The following ABLIM2 variants were observed in gnomAD, a reference collection of about 807,000 sequenced individuals.
The protein encoded by ABLIM2 is actin binding LIM protein family member 2.
In ABLIM2, 53 loss-of-function variants were observed where a neutral mutation model predicts 97.7. That is an observed-to-expected ratio of 0.54 (90% confidence interval 0.44 to 0.68). The LOEUF is 0.68. ABLIM2 is among the 30% of genes least tolerant of loss of function. The pLI is 0.00. For missense variants in ABLIM2, 835 were observed against 867.2 expected (o/e 0.96, Z 0.47); for synonymous variants, 361 against 345.8 (o/e 1.04, Z -0.49).
At position 8,083,477 on chromosome 4, in the gene ABLIM2, G is replaced by A. The variant is rs1031150689; in HGVS notation, c.455-2675C>T. Among the ~76,000 whole-genome samples the A allele has an allele frequency of 6.6e-6, 1 of 152,056 alleles. No individual in the cohort carries two copies. Among genetic ancestry groups the A allele is most frequent in the Non-Finnish European group, 1.5e-5 (1 of 68,002 alleles). Reference sequence around the variant, plus strand: ...TCTGCCTCCTACCATATTGGCCGGCGCCCTCCCCTGCCAAGAAGCTCCCTT... The same window carrying A: ...TCTGCCTCCTACCATATTGGCCGGCACCCTCCCCTGCCAAGAAGCTCCCTT... On this transcript the variant is annotated intron_variant, in intron 4 of 20. Transcript: ENST00000447017. The surrounding 1 kb of genome is among the most constrained non-coding windows in gnomAD (Gnocchi z 4.6).
chr4:8,110,671 G>A (rs1293954637), intron 1 of ABLIM2, among the ~76,000 whole-genome samples: 1 of 152,064 alleles, frequency 6.6e-6, no homozygotes, highest in Non-Finnish European at 1.5e-5. Flanking sequence ...GGTGGGGTGT[G>A]GGGGTGAGGG....
Position 8,004,854 on chromosome 4 carries a change from A to C in ABLIM2, c.1618+3205T>G, listed in dbSNP as rs1295577742. On this transcript the variant is annotated intron_variant, in intron 16 of 20. Coordinates refer to ENST00000447017, the MANE Select transcript of ABLIM2 (RefSeq NM_001130083.2). The surrounding 1 kb of genome is among the most constrained non-coding windows in gnomAD (Gnocchi z 5.9). ...AGGAACAGAAAAGCAGTCAATAATA[A>C]AATATAGATTTCACTATGACGCCCT... is the stretch of plus-strand genomic sequence containing the variant. 6.6e-6 allele frequency among the ~76,000 whole-genome samples: 1 copy of C among 152,234 alleles called. No homozygotes were observed. The highest frequency in any genetic ancestry group is 1.9e-4 in the East Asian group (1 of 5,198).
In ABLIM2 at chr4:8,023,077, C is replaced by CCT. The variant is rs1775008014; in HGVS notation, c.1268-2775_1268-2774insAG. ...CTCTACTTTTTCCTCTTCCTCCTCC[C>CCT]CCTCCTCTCCTCTTCCATTTTTAAA... is the stretch of plus-strand genomic sequence containing the variant. On this transcript the variant is annotated intron_variant, in intron 12 of 20. Coordinates refer to ENST00000447017, the MANE Select transcript of ABLIM2 (RefSeq NM_001130083.2). This position sits in a 1 kb window ranked among gnomAD's most constrained non-coding sequence, Gnocchi z 5.7. 1 of 152,366 alleles carries CCT rather than the reference C, an allele frequency of 6.6e-6. No homozygotes were observed. The highest frequency in any genetic ancestry group is 2.4e-5 in the African/African-American group (1 of 41,224). The allele number at this position is 152,366 out of a possible 1,614,324, so 9.4% of individuals were successfully genotyped here. A position where few individuals can be genotyped will look rare whatever the true frequency, so the allele number is the denominator to read the frequency against.
At chr4:8,055,515 C>A (rs1332122663) in intron 7 of ABLIM2, among the ~76,000 whole-genome samples, 1 of 152,276 alleles carries the variant, frequency 6.6e-6, no homozygotes, top group Non-Finnish European at 1.5e-5. Flanking sequence ...CTGCTAGGTG[C>A]ATGGCTGTGT....
At chr4:8,041,830 G>A (rs1788813380) in intron 9 of ABLIM2, among the ~76,000 whole-genome samples, 1 of 152,046 alleles carries the variant, frequency 6.6e-6, no homozygotes, top group South Asian at 2.1e-4. Context: ...CGTGAACCTG[G>A]GAGGCGCAGC....
Position 8,087,942 on chromosome 4 carries a change from G to A in ABLIM2, c.454+227C>T, listed in dbSNP as rs1308075022. 3.3e-5 allele frequency among the ~76,000 whole-genome samples: 5 copies of A among 151,746 alleles called. No homozygotes were observed. In the East Asian group the frequency reaches 9.7e-4, roughly 30 times the overall value. ...TCTGGGTCCCCGTTTCTCAGGCTCT[G>A]TCCCTGGGCACTGCAGAGACCAAGC... On this transcript the variant is annotated intron_variant, in intron 4 of 20. Coordinates refer to ENST00000447017, the MANE Select transcript of ABLIM2 (RefSeq NM_001130083.2). This position sits in a 1 kb window ranked among gnomAD's most constrained non-coding sequence, Gnocchi z 4.6.
chr4:8,045,082 G>A, intron 9 of ABLIM2, 82 bp downstream of exon 9: 1 of 1,233,634 alleles, frequency 8.1e-7, no homozygotes, highest in Non-Finnish European at 1.2e-6. Flanking sequence ...ACTCTCTTAG[G>A]GGTGGGCTTA....
rs1015423531 is a variant in ABLIM2, at chr4:8,005,724, A to T, written c.1618+2335T>A. Among the ~76,000 whole-genome samples, 1 of 152,218 alleles carries T rather than the reference A, an allele frequency of 6.6e-6. No individual in the cohort carries two copies. The highest frequency in any genetic ancestry group is 2.4e-5 in the African/African-American group (1 of 41,464). ...AAACAAGGCAATGCCATCGGGACAG[A>T]AGTAAAGGCACAATCAGAATGGTTA... On this transcript the variant is annotated intron_variant, in intron 16 of 20. Coordinates refer to ENST00000447017, the MANE Select transcript of ABLIM2 (RefSeq NM_001130083.2). This position sits in a 1 kb window ranked among gnomAD's most constrained non-coding sequence, Gnocchi z 4.9.
At chr4:8,060,930 T>G (rs771573733) in intron 7 of ABLIM2, 37 bp downstream of exon 7, 3 of 1,525,846 alleles carry the variant, frequency 2.0e-6, no homozygotes, top group Admixed American at 3.9e-5. Flanking sequence ...GGTAGTTCCT[T>G]GCTCTAGGGG....
Position 7,999,893 on chromosome 4 carries a change from T to C in ABLIM2, c.1619-6966A>G, listed in dbSNP as rs1222905383. Reference sequence around the variant, plus strand: ...CCTGCTCTTGGGGCCCTGAGCCTCTTCTCCACAGGTCTGTCCTCTTCCAGG... The same window carrying C: ...CCTGCTCTTGGGGCCCTGAGCCTCTCCTCCACAGGTCTGTCCTCTTCCAGG... On this transcript the variant is annotated intron_variant, in intron 16 of 20. Coordinates refer to ENST00000447017, the MANE Select transcript of ABLIM2 (RefSeq NM_001130083.2). This position sits in a 1 kb window ranked among gnomAD's most constrained non-coding sequence, Gnocchi z 4.4. Among the ~76,000 whole-genome samples, 1 of 152,186 alleles carries C rather than the reference T, an allele frequency of 6.6e-6. No homozygotes were observed. The highest frequency in any genetic ancestry group is 1.5e-5 in the Non-Finnish European group (1 of 68,018).
intron 1 of ABLIM2, among the ~76,000 whole-genome samples, chr4:8,135,774 C>A (rs1282542916): frequency 6.6e-6 from 1 of 152,214 alleles, no homozygotes; most frequent in East Asian, 1.9e-4. Flanking sequence ...AGCCCGGAGG[C>A]CGGCAACATG....
In ABLIM2 at chr4:8,004,536, G is replaced by C. The variant is rs1188227395; in HGVS notation, c.1618+3523C>G. Among the ~76,000 whole-genome samples, 2 of 152,126 alleles carry C rather than the reference G, an allele frequency of 1.3e-5. No homozygotes were observed. Among genetic ancestry groups the C allele is most frequent in the Non-Finnish European group, 2.9e-5 (2 of 68,038 alleles). ...AGTGCCTCAAGCTGCCCGGGGGTTT[G>C]TATTATGCTGACACGCCTCTGACCT... On this transcript the variant is annotated intron_variant, in intron 16 of 20. Transcript: ENST00000447017. The surrounding 1 kb of genome is among the most constrained non-coding windows in gnomAD (Gnocchi z 5.9).
At position 8,091,431 on chromosome 4, in the gene ABLIM2, A is replaced by G. The variant is rs1448966647; in HGVS notation, c.339-3147T>C. On this transcript the variant is annotated intron_variant, in intron 3 of 20. Coordinates refer to ENST00000447017, the MANE Select transcript of ABLIM2 (RefSeq NM_001130083.2). ...TATAATTATATATTATATATTATAT[A>G]TAATTAATTATGTATTATATATAAT... Among the ~76,000 whole-genome samples, 19 of 47,044 alleles carry G rather than the reference A, an allele frequency of 4.0e-4. 1 individual carries two copies. In the South Asian group the frequency reaches 6.2e-3, roughly 15 times the overall value. The allele number at this position is 47,044 out of a possible 152,430, so 30.9% of individuals were successfully genotyped here. A position where few individuals can be genotyped will look rare whatever the true frequency, so the allele number is the denominator to read the frequency against.
At chr4:7,984,917 C>G (rs181278572) in intron 17 of ABLIM2, 24 bp from the exon 18 acceptor site, 4 of 1,604,990 alleles carry the variant, frequency 2.5e-6, no homozygotes, top group Non-Finnish European at 3.4e-6. Flanking sequence ...AGAGGTTGGG[C>G]GGCAAGAGAC....
At chr4:8,080,016 A>G (rs548186239) in intron 5 of ABLIM2, among the ~76,000 whole-genome samples, 8 of 152,130 alleles carry the variant, frequency 5.3e-5, no homozygotes, top group South Asian at 4.1e-4. Context: ...CAGGTCCCCA[A>G]TCCCCCAGGG....
intron 1 of ABLIM2, among the ~76,000 whole-genome samples, chr4:8,116,940 C>T (rs1843043695): frequency 6.6e-6 from 1 of 152,210 alleles, no homozygotes; most frequent in African/African-American, 2.4e-5. Context: ...TGCATTTTAT[C>T]TCTGCTCATA....
In ABLIM2 at chr4:8,054,067, TC is replaced by T; in HGVS notation, c.822+120del. On this transcript the variant is annotated intron_variant, in intron 8 of 20. Transcript: ENST00000447017. This position sits in a 1 kb window ranked among gnomAD's most constrained non-coding sequence, Gnocchi z 4.9. ...CACCTCCTAAGCCTGGCTGCCCCCA[TC>T]CTGCAGCCCGTGGGACTGGACAATG... The T allele has an allele frequency of 1.7e-6, 2 of 1,144,312 alleles. No homozygotes were observed. Among genetic ancestry groups the T allele is most frequent in the Admixed American group, 3.7e-5 (2 of 53,414 alleles). The allele number at this position is 1,144,312 out of a possible 1,614,324, so 70.9% of individuals were successfully genotyped here.
chr4:7,992,928 C>G lies in ABLIM2; in HGVS notation c.1619-1G>C, dbSNP rs113135992. ...GGGTCAGATTTGGAATAGGGGAATC[C>G]TGAAACAGACACAGCACAGCTTTGT... On this transcript the variant is annotated splice_acceptor_variant, in intron 16 of 20. Coordinates refer to ENST00000447017, the MANE Select transcript of ABLIM2 (RefSeq NM_001130083.2). LOFTEE classifies it high-confidence loss of function. The surrounding 1 kb of genome is among the most constrained non-coding windows in gnomAD (Gnocchi z 5.7). 1.2e-6 allele frequency: 2 copies of G among 1,612,814 alleles called. No homozygotes were observed. The highest frequency in any genetic ancestry group is 1.7e-6 in the Non-Finnish European group (2 of 1,179,696).
rs915226714 is a variant in ABLIM2, at chr4:8,005,161, C to G, written c.1618+2898G>C. ...GGGCCCTTGCGAAGCCAAAGAGGTG[C>G]CCGGCGGGCAGGCGGCGGCGGGATG... On this transcript the variant is annotated intron_variant, in intron 16 of 20. Transcript: ENST00000447017. This position sits in a 1 kb window ranked among gnomAD's most constrained non-coding sequence, Gnocchi z 4.9. 2 of 369,866 alleles carry G rather than the reference C, an allele frequency of 5.4e-6. No individual in the cohort carries two copies. Among genetic ancestry groups the G allele is most frequent in the Non-Finnish European group, 1.1e-5 (2 of 182,074 alleles). 22.9% of individuals were successfully genotyped at this position (369,866 alleles called of 1,614,324 possible).
Sources: allele counts gnomAD v4.1 joint callset (sites outside exome capture counted in the v4.1 genomes callset), GRCh38; gene constraint gnomAD v4.1.1; non-coding constraint Gnocchi (gnomAD v3.1); transcripts MANE v1.5; gene names NCBI Gene and HGNC (gene_info 2026-07-23, HGNC 2026-07-21).